The following OPCML variants were observed in gnomAD, a reference collection of about 807,000 sequenced individuals.
The protein encoded by OPCML is opioid-binding protein/cell adhesion molecule.
Under a neutral mutation model 37.8 loss-of-function variants are expected in OPCML, and 13 were observed. The ratio of observed to expected loss-of-function variants is 0.34; its 90% CI spans 0.22 to 0.55. The LOEUF (loss-of-function observed/expected upper bound fraction) is 0.55, where lower values mean the gene tolerates loss of function less well. Among genes scored for constraint, OPCML ranks in the 20% least tolerant of loss-of-function variants. The probability of loss-of-function intolerance (pLI) is 0.91; values close to 1 mark genes in which losing one functional copy is unlikely to be tolerated. For missense variants in OPCML, 341 were observed against 435.6 expected, an observed-to-expected ratio of 0.78 and a Z score of 1.93; for synonymous variants, 176 against 168.8, an observed-to-expected ratio of 1.04 and a Z score of -0.33.
intron 1 of OPCML, among the ~76,000 whole-genome samples, chr11:133,268,650 A>T (rs1367785952): frequency 6.6e-6 from 1 of 152,226 alleles, no homozygotes. Context: ...AAAACCATAG[A>T]TTAACAATTT....
At chr11:133,000,310 T>C (rs1171006528) in intron 1 of OPCML, among the ~76,000 whole-genome samples, 2 of 152,054 alleles carry the variant, frequency 1.3e-5, no homozygotes, top group Admixed American at 1.3e-4. Context: ...ACGGGGTTTT[T>C]CCATGTTGGC....
At chr11:133,058,642 G>A (rs752294697) in intron 1 of OPCML, among the ~76,000 whole-genome samples, 2 of 152,204 alleles carry the variant, frequency 1.3e-5, no homozygotes, top group African/African-American at 2.4e-5. Flanking sequence ...CTCGGAGCAC[G>A]CTGGCTAAAT....
At chr11:133,233,589 A>T (rs539980949) in intron 1 of OPCML, among the ~76,000 whole-genome samples, 1 of 152,210 alleles carries the variant, frequency 6.6e-6, no homozygotes, top group African/African-American at 2.4e-5. Flanking sequence ...GTTTTGAGTC[A>T]ACCCCACTTT....
intron 1 of OPCML, among the ~76,000 whole-genome samples, chr11:133,410,011 G>C (rs2136863849): frequency 6.6e-6 from 1 of 152,176 alleles, no homozygotes; most frequent in East Asian, 1.9e-4. Context: ...GAAGAAGGCA[G>C]TCAGGAAGAA....
Position 132,899,462 on chromosome 11 carries a change from T to C in OPCML, c.146+43464A>G, listed in dbSNP as rs147367008. The stretch of plus-strand genomic sequence containing the variant: ...ATCATCCAAACACTTTACCTTCTCT[T>C]CTAGGGAAGAGATTAGTGCATTTTC... On this transcript the variant is annotated intron_variant, in intron 2 of 7. Transcript: ENST00000524381. 9.2e-5 allele frequency among the ~76,000 whole-genome samples: 14 copies of C among 152,302 alleles called. No individual in the cohort carries two copies. In the East Asian group the frequency reaches 2.3e-3, roughly 25 times the overall value.
chr11:133,519,958 C>T (rs7107604), intron 1 of OPCML, among the ~76,000 whole-genome samples: 24,767 of 152,124 alleles, frequency 0.16, 4,920 homozygotes, highest in African/African-American at 0.48. Context: ...CAAAGCTAGA[C>T]GGTGCCACCT....
At position 132,705,982 on chromosome 11, in the gene OPCML, A is replaced by G. The variant is rs190737557; in HGVS notation, c.147-48663T>C. Among the ~76,000 whole-genome samples, 302 of 151,972 alleles carry G rather than the reference A, an allele frequency of 2.0e-3. 6 individuals are homozygous for G. Among genetic ancestry groups the G allele is most frequent in the Non-Finnish European group, 6.3e-4 (43 of 67,944 alleles). On this transcript the variant is annotated intron_variant, in intron 2 of 7. Transcript: ENST00000524381. ...ACCACCACGCCCAGCTAATTTTTGTATCTTTAGTAAAGACGGGGTTTCACC... is the reference window on the plus strand; with the variant it reads ...ACCACCACGCCCAGCTAATTTTTGTGTCTTTAGTAAAGACGGGGTTTCACC...
At chr11:132,432,616 CG>C (rs2096001041) in intron 7 of OPCML, among the ~76,000 whole-genome samples, 1 of 152,198 alleles carries the variant, frequency 6.6e-6, no homozygotes, top group African/African-American at 2.4e-5. Flanking sequence ...GTGACCAATA[CG>C]TCCTTTCCAT....
At chr11:133,285,016 G>C (rs567584956) in intron 1 of OPCML, among the ~76,000 whole-genome samples, 1 of 151,952 alleles carries the variant, frequency 6.6e-6, no homozygotes, top group Non-Finnish European at 1.5e-5. Context: ...TATATGTTAC[G>C]AGATACATAA....
chr11:132,504,197 C>T (rs959242176), intron 4 of OPCML, among the ~76,000 whole-genome samples: 1 of 152,128 alleles, frequency 6.6e-6, no homozygotes, highest in Non-Finnish European at 1.5e-5. Context: ...AGACAATGCT[C>T]AAATCATGGC....
chr11:133,005,728 C>A, intron 1 of OPCML: 5 of 978,102 alleles, frequency 5.1e-6, no homozygotes, highest in Non-Finnish European at 6.1e-6. Context: ...TCTGTTAATT[C>A]TTTTTAAAAA....
At chr11:133,004,180 C>T in intron 1 of OPCML, 1 of 985,454 alleles carries the variant, frequency 1.0e-6, no homozygotes, top group Non-Finnish European at 1.2e-6. Context: ...TCTGCCGTCT[C>T]ATCTGAGGCC....
At position 132,915,313 on chromosome 11, in the gene OPCML, G is replaced by A. The variant is rs568868956; in HGVS notation, c.146+27613C>T. 3.9e-4 allele frequency among the ~76,000 whole-genome samples: 60 copies of A among 152,258 alleles called. 1 individual carries two copies. Among genetic ancestry groups the A allele is most frequent in the African/African-American group, 1.3e-3 (55 of 41,540 alleles). On this transcript the variant is annotated intron_variant, in intron 2 of 7. Transcript: ENST00000524381. ...CAATCTGCTTTTTACCTCCCGGTGA[G>A]GCATGCACATTTCTGGCATCCACAT...
intron 3 of OPCML, among the ~76,000 whole-genome samples, chr11:132,534,876 G>T (rs894346478): frequency 6.6e-6 from 1 of 151,950 alleles, no homozygotes; most frequent in East Asian, 1.9e-4. Flanking sequence ...ACTCATTGTT[G>T]ATATTGTTCA....
At chr11:132,731,923 G>A (rs965064193) in intron 2 of OPCML, among the ~76,000 whole-genome samples, 1 of 152,092 alleles carries the variant, frequency 6.6e-6, no homozygotes, top group Non-Finnish European at 1.5e-5. Context: ...TGAAAGGTGA[G>A]GTTGGAAAAA....
intron 1 of OPCML, among the ~76,000 whole-genome samples, chr11:133,461,398 A>T (rs184173588): frequency 4.6e-4 from 70 of 152,066 alleles, no homozygotes; most frequent in African/African-American, 1.7e-3. Flanking sequence ...AAGTCGCAAC[A>T]TACAAAATCA....
intron 2 of OPCML, among the ~76,000 whole-genome samples, chr11:132,937,593 GGGGTGTGTGTGTGTGTGTGTGTGTGTGT>G (rs1407943890): frequency 1.3e-5 from 1 of 76,580 alleles, no homozygotes; most frequent in Non-Finnish European, 2.8e-5. Context: ...TGGCGTGTGT[GGGGTGTGTGTGTGTGTGTGTGTGTGTGT>G]GTGTGTGTGT....
At chr11:132,452,758 A>G (rs1164292434) in intron 4 of OPCML, among the ~76,000 whole-genome samples, 4 of 152,178 alleles carry the variant, frequency 2.6e-5, no homozygotes, top group African/African-American at 4.8e-5. Context: ...ACCCTTTCTC[A>G]GCATTCTGTA....
At chr11:133,146,137 C>T (rs1291691968) in intron 1 of OPCML, among the ~76,000 whole-genome samples, 4 of 152,034 alleles carry the variant, frequency 2.6e-5, no homozygotes, top group Non-Finnish European at 4.4e-5. Context: ...ATCACTCAGC[C>T]TTTGTGGGAC....
Sources: allele counts gnomAD v4.1 joint callset (sites outside exome capture counted in the v4.1 genomes callset), GRCh38; gene constraint gnomAD v4.1.1; transcripts MANE v1.5; gene names NCBI Gene and HGNC (gene_info 2026-07-23, HGNC 2026-07-21).